The following LRMDA variants were observed in gnomAD, a reference collection of about 807,000 sequenced individuals.
LRMDA encodes leucine-rich melanocyte differentiation-associated protein.
A neutral mutation model predicts 29.8 loss-of-function variants in LRMDA; 18 were observed. The ratio of observed to expected loss-of-function variants is 0.60; its 90% confidence interval spans 0.42 to 0.90. The LOEUF (loss-of-function observed/expected upper bound fraction) is 0.90, where lower values mean the gene tolerates loss of function less well. LRMDA is among the 40% of genes least tolerant of loss of function. The probability of loss-of-function intolerance (pLI) is 0.00; values close to 1 mark genes in which losing one functional copy is unlikely to be tolerated. For synonymous variants in LRMDA, 125 were observed against 109.4 expected (o/e 1.14, Z -0.89); for missense variants, 273 against 273.9 (o/e 1.00, Z 0.02).
rs139957646 is a variant in LRMDA, at chr10:76,432,469, T to C, written c.601+107984T>C. Among the ~76,000 whole-genome samples the C allele has an allele frequency of 3.4e-3, 521 of 152,288 alleles. 3 individuals are homozygous for C. Among genetic ancestry groups the C allele is most frequent in the African/African-American group, 0.012 (488 of 41,568 alleles). On this transcript the variant is annotated intron_variant, in intron 6 of 6. Coordinates refer to ENST00000611255, the MANE Select transcript of LRMDA (RefSeq NM_001305581.2). ...TGATCTGGCCCCATGCCTTTCACAC[T>C]GAGCTATGCGGAATTCTAGCATTCC...
rs545832222 is a variant in LRMDA at position 76,544,161 on chromosome 10, C to T, written c.602-13048C>T. ...TAGCAGGTTATTACTTCCTGCTCAG[C>T]GTGGGCAATGTCTACGCTGTTAATT... is the stretch of plus-strand genomic sequence containing the variant. On this transcript the variant is annotated intron_variant, in intron 6 of 6. Transcript: ENST00000611255. Among the ~76,000 whole-genome samples the T allele has an allele frequency of 5.9e-5, 9 of 152,240 alleles. No individual in the cohort carries two copies. In the East Asian group the frequency reaches 7.7e-4, roughly 13 times the overall value.
chr10:75,537,306 A>G (rs924655200), intron 2 of LRMDA, among the ~76,000 whole-genome samples: 10 of 152,132 alleles, frequency 6.6e-5, no homozygotes, highest in African/African-American at 2.4e-4. Context: ...TCAGCCCCTG[A>G]GAATACTCCT....
At chr10:76,190,235 A>G (rs1489163547) in intron 5 of LRMDA, among the ~76,000 whole-genome samples, 1 of 152,206 alleles carries the variant, frequency 6.6e-6, no homozygotes, top group African/African-American at 2.4e-5. Flanking sequence ...AGGATTTAAA[A>G]AAAAAATTTC....
chr10:76,166,561 CAT>C (rs1398922649), intron 5 of LRMDA, among the ~76,000 whole-genome samples: 1 of 152,160 alleles, frequency 6.6e-6, no homozygotes, highest in African/African-American at 2.4e-5. Context: ...TCAGTAAGAA[CAT>C]GTGATATTTG....
At chr10:75,969,136 T>C (rs1309179675) in intron 2 of LRMDA, among the ~76,000 whole-genome samples, 1 of 152,150 alleles carries the variant, frequency 6.6e-6, no homozygotes, top group African/African-American at 2.4e-5. Context: ...CTTGGGTGAA[T>C]CTGGTGCTTC....
chr10:75,968,233 C>G (rs1257660148), intron 2 of LRMDA, among the ~76,000 whole-genome samples: 2 of 152,006 alleles, frequency 1.3e-5, no homozygotes, highest in Non-Finnish European at 2.9e-5. Flanking sequence ...GCTGTAAGGA[C>G]AGAGGGACCC....
intron 6 of LRMDA, among the ~76,000 whole-genome samples, chr10:76,329,553 C>A (rs781657893): frequency 3.3e-5 from 5 of 152,150 alleles, no homozygotes; most frequent in Non-Finnish European, 5.9e-5. Flanking sequence ...GAGATGATAA[C>A]CTTTCTACTT....
intron 2 of LRMDA, among the ~76,000 whole-genome samples, chr10:75,821,629 CGTG>C (rs1399441218): frequency 6.6e-6 from 1 of 151,908 alleles, no homozygotes; most frequent in African/African-American, 2.4e-5. Flanking sequence ...ATTAGCTGGA[CGTG>C]GTGGTGGGTG....
intron 2 of LRMDA, among the ~76,000 whole-genome samples, chr10:76,022,837 T>C (rs747171542): frequency 7.9e-5 from 12 of 152,180 alleles, no homozygotes; most frequent in Non-Finnish European, 8.8e-5. Context: ...GGTACCTTTC[T>C]ATTCAACCAG....
intron 2 of LRMDA, among the ~76,000 whole-genome samples, chr10:75,824,312 G>T (rs1844213849): frequency 6.6e-6 from 1 of 152,220 alleles, no homozygotes; most frequent in South Asian, 2.1e-4. Flanking sequence ...GGCAATGCTG[G>T]TCTAGATCAG....
intron 2 of LRMDA, among the ~76,000 whole-genome samples, chr10:75,452,701 T>A: frequency 6.6e-6 from 1 of 152,016 alleles, no homozygotes; most frequent in Middle Eastern, 3.2e-3. Flanking sequence ...TCCTGGAGAT[T>A]TCACTGGATA....
intron 2 of LRMDA, among the ~76,000 whole-genome samples, chr10:75,725,187 G>A (rs1193667322): frequency 6.6e-6 from 1 of 152,194 alleles, no homozygotes; most frequent in Admixed American, 6.5e-5. Flanking sequence ...TTGGGAACTG[G>A]AGAATCCAAT....
chr10:76,557,056 A>T (rs1448306862), intron 6 of LRMDA, among the ~76,000 whole-genome samples, 153 bp from the exon 7 acceptor site: 1 of 152,200 alleles, frequency 6.6e-6, no homozygotes. Context: ...GTCTGTGAGG[A>T]CAAAAAGGGA....
rs562421165 is a variant in LRMDA, at chr10:76,342,458, T to C, written c.601+17973T>C. ...TAAGCAAAAATTGTAAAAGATATAT[T>C]AAGCATCTGACTCAAAAACAATATC... is the stretch of plus-strand genomic sequence containing the variant. On this transcript the variant is annotated intron_variant, in intron 6 of 6. Coordinates refer to ENST00000611255, the MANE Select transcript of LRMDA (RefSeq NM_001305581.2). Among the ~76,000 whole-genome samples, 485 of 152,026 alleles carry C rather than the reference T, an allele frequency of 3.2e-3. 1 individual carries two copies. The highest frequency in any genetic ancestry group is 0.011 in the African/African-American group (467 of 41,512).
intron 6 of LRMDA, among the ~76,000 whole-genome samples, chr10:76,528,538 A>G (rs1589226183): frequency 6.6e-6 from 1 of 152,148 alleles, no homozygotes; most frequent in Admixed American, 6.6e-5. Flanking sequence ...ATTTTTTTAC[A>G]ATGAACATTT....
At chr10:76,220,592 A>T (rs1397256967) in intron 5 of LRMDA, among the ~76,000 whole-genome samples, 5 of 152,238 alleles carry the variant, frequency 3.3e-5, no homozygotes, top group Non-Finnish European at 7.3e-5. Flanking sequence ...ATCTCTGAAT[A>T]GACCAATAAC....
At chr10:75,434,085 A>T (rs1317053764) in intron 1 of LRMDA, among the ~76,000 whole-genome samples, 2 of 152,156 alleles carry the variant, frequency 1.3e-5, no homozygotes, top group African/African-American at 4.8e-5. Flanking sequence ...TGCATCATTT[A>T]TGTTCAGCAT....
intron 5 of LRMDA, among the ~76,000 whole-genome samples, chr10:76,295,462 A>G (rs1344883841): frequency 6.6e-6 from 1 of 152,212 alleles, no homozygotes; most frequent in Admixed American, 6.5e-5. Flanking sequence ...GTTATTATAT[A>G]GCATTCTCAG....
At chr10:75,810,277 C>G (rs1334460560) in intron 2 of LRMDA, among the ~76,000 whole-genome samples, 1 of 152,150 alleles carries the variant, frequency 6.6e-6, no homozygotes, top group Admixed American at 6.5e-5. Context: ...GCTAAAGACA[C>G]TGGGTTTGGA....
Sources: gnomAD v4.1 joint callset for allele counts (sites outside exome capture counted in the v4.1 genomes callset) on GRCh38, gnomAD v4.1.1 for gene constraint, MANE v1.5 for transcripts, NCBI Gene and HGNC (gene_info 2026-07-23, HGNC 2026-07-21) for gene names.